FHOD3: variants seen among roughly 807,000 people sequenced by gnomAD.
FHOD3 encodes the protein FH1/FH2 domain-containing protein 3.
FHOD3 carries 90 observed loss-of-function variants against 173.0 expected under a neutral mutation model. That is an observed-to-expected ratio of 0.52 (90% CI 0.44 to 0.62). The LOEUF (loss-of-function observed/expected upper bound fraction) is 0.62. FHOD3 is among the 20% of genes least tolerant of loss of function. The pLI is 0.00. For missense variants in FHOD3, 1,945 were observed against 2,034.7 expected, an observed-to-expected ratio of 0.96 and a Z score of 0.85; for synonymous variants, 828 against 823.0, an observed-to-expected ratio of 1.01 and a Z score of -0.10.
chr18:36,458,117 G>A (rs901223586), intron 3 of FHOD3, among the ~76,000 whole-genome samples: 3 of 152,092 alleles, frequency 2.0e-5, no homozygotes, highest in African/African-American at 2.4e-5. Flanking sequence ...ATCAGAAAGG[G>A]TTCTGGATTA....
At chr18:36,470,962 G>A (rs1199861504) in intron 3 of FHOD3, among the ~76,000 whole-genome samples, 1 of 152,200 alleles carries the variant, frequency 6.6e-6, no homozygotes, top group African/African-American at 2.4e-5. Flanking sequence ...GATGGCACCT[G>A]TGTGGGTGGC....
chr18:36,425,523 A>C (rs1026220064), intron 3 of FHOD3, among the ~76,000 whole-genome samples: 1 of 152,226 alleles, frequency 6.6e-6, no homozygotes, highest in East Asian at 1.9e-4. Flanking sequence ...AATCAGAATA[A>C]TAGCAAAAGT....
chr18:36,478,364 A>C (rs931719704), intron 3 of FHOD3, among the ~76,000 whole-genome samples: 8 of 152,216 alleles, frequency 5.3e-5, no homozygotes, highest in Non-Finnish European at 2.9e-5. Flanking sequence ...TAATCACATC[A>C]TGGTAAATGG....
intron 5 of FHOD3, among the ~76,000 whole-genome samples, chr18:36,556,445 A>C (rs2057888248): frequency 6.6e-6 from 1 of 152,180 alleles, no homozygotes; most frequent in African/African-American, 2.4e-5. Flanking sequence ...TTGAGTATGC[A>C]CAGGTTTTTG....
intron 3 of FHOD3, among the ~76,000 whole-genome samples, chr18:36,401,503 T>C (rs1480636846): frequency 8.5e-5 from 13 of 152,066 alleles, no homozygotes; most frequent in Admixed American, 7.2e-4. Context: ...TCCAAGAGCA[T>C]GAGAAGGAGG....
At chr18:36,426,894 A>G (rs772271568) in intron 3 of FHOD3, among the ~76,000 whole-genome samples, 1 of 152,204 alleles carries the variant, frequency 6.6e-6, no homozygotes, top group Non-Finnish European at 1.5e-5. Context: ...TTGTTTAATC[A>G]TCACCACCAA....
intron 14 of FHOD3, among the ~76,000 whole-genome samples, chr18:36,673,418 T>G (rs914518208): frequency 6.6e-6 from 1 of 152,214 alleles, no homozygotes; most frequent in African/African-American, 2.4e-5. Flanking sequence ...TTATTCAAGT[T>G]TGTATAATGG....
intron 1 of FHOD3, among the ~76,000 whole-genome samples, chr18:36,338,754 G>A (rs112584525): frequency 1.3e-5 from 2 of 152,270 alleles, no homozygotes; most frequent in African/African-American, 4.8e-5. Context: ...CTTCCCTGAG[G>A]TGTGGCTTCT....
chr18:36,310,429 T>C (rs903920983), intron 1 of FHOD3, among the ~76,000 whole-genome samples: 3 of 152,132 alleles, frequency 2.0e-5, no homozygotes, highest in Non-Finnish European at 4.4e-5. Context: ...CTTATACCTG[T>C]AATCCCACCA....
intron 5 of FHOD3, among the ~76,000 whole-genome samples, chr18:36,572,807 G>T (rs1473691949): frequency 2.6e-5 from 4 of 152,126 alleles, no homozygotes; most frequent in African/African-American, 7.2e-5. Context: ...GAAGGCTAAA[G>T]AGTCTACCTT....
At chr18:36,602,881 T>C (rs1568481714) in intron 8 of FHOD3, 113 bp downstream of exon 8, 1 of 816,480 alleles carries the variant, frequency 1.2e-6, no homozygotes, top group East Asian at 2.6e-5. Flanking sequence ...GTAGCAGATA[T>C]AATCTGGTTG....
chr18:36,580,027 G>C (rs2058789946), intron 6 of FHOD3, among the ~76,000 whole-genome samples: 1 of 151,818 alleles, frequency 6.6e-6, no homozygotes, highest in Non-Finnish European at 1.5e-5. Flanking sequence ...ATATTACTTT[G>C]GAATCATTCT....
chr18:36,506,949 C>T (rs544416402), intron 4 of FHOD3, among the ~76,000 whole-genome samples: 1 of 152,286 alleles, frequency 6.6e-6, no homozygotes, highest in Non-Finnish European at 1.5e-5. Flanking sequence ...TCTCTCCCCC[C>T]AAAATAAAAT....
intron 2 of FHOD3, among the ~76,000 whole-genome samples, chr18:36,365,606 G>A (rs1003508521): frequency 6.6e-6 from 1 of 152,162 alleles, no homozygotes; most frequent in Admixed American, 6.6e-5. Flanking sequence ...TGTAATGACT[G>A]TATAACTCTA....
At chr18:36,427,300 A>AT (rs1345067134) in intron 3 of FHOD3, among the ~76,000 whole-genome samples, 1 of 151,046 alleles carries the variant, frequency 6.6e-6, no homozygotes, top group Non-Finnish European at 1.5e-5. Flanking sequence ...AAAAAAAAAA[A>AT]AAAAAAAAAA....
chr18:36,445,944 T>TC (rs2051444968), intron 3 of FHOD3, among the ~76,000 whole-genome samples: 1 of 152,180 alleles, frequency 6.6e-6, no homozygotes, highest in Non-Finnish European at 1.5e-5. Context: ...TTGATCCTAC[T>TC]CCAGGATTCT....
rs575614379 is a variant in FHOD3 at position 36,370,366 on chromosome 18, G to T, written c.273-2314G>T. ...TCTATGCTCTCTTAATTTCCATTAG[G>T]GTTTAGCTTAACAAACCAATTGCCT... On this transcript the variant is annotated intron_variant, in intron 2 of 28. Coordinates refer to ENST00000590592, the MANE Select transcript of FHOD3 (RefSeq NM_001281740.3). Among the ~76,000 whole-genome samples, 8 of 152,060 alleles carry T rather than the reference G, an allele frequency of 5.3e-5. No homozygotes were observed. The East Asian group carries it at 1.4e-3, about 26-fold the overall frequency.
At chr18:36,467,990 C>T (rs973819896) in intron 3 of FHOD3, among the ~76,000 whole-genome samples, 9 of 152,212 alleles carry the variant, frequency 5.9e-5, no homozygotes, top group African/African-American at 1.9e-4. Context: ...TGAAGGCAGA[C>T]GGTAGGTCTG....
At chr18:36,648,627 G>C (rs1290120335) in intron 10 of FHOD3, among the ~76,000 whole-genome samples, 3 of 152,014 alleles carry the variant, frequency 2.0e-5, no homozygotes, top group Non-Finnish European at 4.4e-5. Context: ...GTTTTTCTTG[G>C]ACTCAGGGTG....
Sources: gnomAD v4.1 joint callset for allele counts (sites outside exome capture counted in the v4.1 genomes callset) on GRCh38, gnomAD v4.1.1 for gene constraint, MANE v1.5 for transcripts, NCBI Gene and HGNC (gene_info 2026-07-23, HGNC 2026-07-21) for gene names.